The following PLA2G4E variants were observed in gnomAD, a reference collection of about 807,000 sequenced individuals.
PLA2G4E encodes the protein cytosolic phospholipase A2 epsilon.
In PLA2G4E, 84 loss-of-function variants were observed where a neutral mutation model predicts 109.1. That is an observed-to-expected ratio of 0.77 (90% confidence interval 0.65 to 0.92). PLA2G4E has a LOEUF of 0.92. Among genes scored for constraint, PLA2G4E ranks in the 40% least tolerant of loss-of-function variants. PLA2G4E has a pLI of 0.00. For missense variants in PLA2G4E, 1,057 were observed against 1,076.6 expected (o/e 0.98, Z 0.25); for synonymous variants, 469 against 436.1 (o/e 1.08, Z -0.94).
intron 1 of PLA2G4E, among the ~76,000 whole-genome samples, chr15:42,029,110 T>C (rs2141070025): frequency 6.6e-6 from 1 of 152,198 alleles, no homozygotes; most frequent in South Asian, 2.1e-4. Flanking sequence ...TCTTTTCTTT[T>C]TGAGACAGTC....
At chr15:42,014,998 G>T (rs1394839791) in intron 1 of PLA2G4E, among the ~76,000 whole-genome samples, 1 of 152,094 alleles carries the variant, frequency 6.6e-6, no homozygotes, top group Admixed American at 6.5e-5. Context: ...GGTGCTGATG[G>T]CTCCTCCTTC....
chr15:42,019,382 G>A (rs77460662), intron 1 of PLA2G4E, among the ~76,000 whole-genome samples: 1 of 152,238 alleles, frequency 6.6e-6, no homozygotes, highest in Non-Finnish European at 1.5e-5. Flanking sequence ...GGAAGGGTCT[G>A]ACAACCACAT....
chr15:41,989,646 C>A, intron 14 of PLA2G4E, 94 bp from the exon 15 acceptor site: 1 of 1,481,384 alleles, frequency 6.8e-7, no homozygotes, highest in Non-Finnish European at 9.0e-7. Flanking sequence ...CTGGCTCAGG[C>A]CTTGGAAAGC....
chr15:42,006,294 C>T, intron 3 of PLA2G4E, 173 bp from the exon 4 acceptor site: 1 of 720,660 alleles, frequency 1.4e-6, no homozygotes, highest in Non-Finnish European at 2.1e-6. Flanking sequence ...TTAAGGAAGG[C>T]AAGTGTCTAT....
chr15:41,990,723 T>TC (rs1322913532), intron 13 of PLA2G4E, among the ~76,000 whole-genome samples: 6 of 50,946 alleles, frequency 1.2e-4, no homozygotes, highest in Non-Finnish European at 2.5e-4. Context: ...CTCCCCTCCC[T>TC]CCCTCCCCTC....
intron 2 of PLA2G4E, among the ~76,000 whole-genome samples, chr15:42,012,168 C>A (rs567685463): frequency 6.6e-6 from 1 of 152,306 alleles, no homozygotes; most frequent in African/African-American, 2.4e-5. Flanking sequence ...TATCCATTCA[C>A]ACTCAGCCCT....
At chr15:42,004,521 G>A (rs2068454740) in intron 5 of PLA2G4E, among the ~76,000 whole-genome samples, 1 of 152,106 alleles carries the variant, frequency 6.6e-6, no homozygotes, top group South Asian at 2.1e-4. Flanking sequence ...GCTGCTTGCG[G>A]CCAGGGTTGG....
At chr15:42,042,026 G>A (rs1668595) in intron 1 of PLA2G4E, among the ~76,000 whole-genome samples, 29,137 of 152,106 alleles carry the variant, frequency 0.19, 2,960 homozygotes, top group South Asian at 0.33. Flanking sequence ...GACAAGGAGT[G>A]GAGAGGAATC....
chr15:42,005,193 G>A (rs1298774488), intron 4 of PLA2G4E, among the ~76,000 whole-genome samples: 1 of 152,204 alleles, frequency 6.6e-6, no homozygotes, highest in African/African-American at 2.4e-5. Context: ...GGAGGTCAGG[G>A]TGTGGAGCTG....
rs200179943 is a variant in PLA2G4E, at chr15:41,992,718, G to A, written c.1470+19C>T. On this transcript the variant is annotated intron_variant, in intron 13 of 19. Transcript: ENST00000399518. ...ATCAGCCAGGGCAGGGTGGGGCCCA[G>A]GAGAAGCCGAGCACCTACCTCGTCC... is the stretch of plus-strand genomic sequence containing the variant. 2 of 1,607,978 alleles carry A rather than the reference G, an allele frequency of 1.2e-6. No individual in the cohort carries two copies. The highest frequency in any genetic ancestry group is 1.7e-6 in the Non-Finnish European group (2 of 1,176,828).
rs76332662 is a variant in PLA2G4E at position 42,020,731 on chromosome 15, C to A, written c.184-6974G>T. The stretch of plus-strand genomic sequence containing the variant: ...CTCAGCAGGGCCACCCAAGCAGGAG[C>A]CCTGGCCCCAACTGGGATAAACCAC... On this transcript the variant is annotated intron_variant, in intron 1 of 19. Coordinates refer to ENST00000399518, the Ensembl canonical transcript of PLA2G4E. Among the ~76,000 whole-genome samples the A allele has an allele frequency of 4.6e-5, 7 of 152,306 alleles. No individual in the cohort carries two copies. The East Asian group carries it at 1.4e-3, about 29-fold the overall frequency.
At chr15:42,021,620 C>T (rs1298759225) in intron 1 of PLA2G4E, among the ~76,000 whole-genome samples, 1 of 152,186 alleles carries the variant, frequency 6.6e-6, no homozygotes, top group East Asian at 1.9e-4. Context: ...CCCCTGTCCT[C>T]CCTCCTGGGA....
intron 1 of PLA2G4E, among the ~76,000 whole-genome samples, chr15:42,031,635 C>T (rs1490771246): frequency 6.6e-6 from 1 of 152,178 alleles, no homozygotes. Context: ...ACAGGCAGCC[C>T]TCACGTTTTC....
chr15:41,999,867 G>C, intron 9 of PLA2G4E, 50 bp downstream of exon 9: 3 of 1,525,600 alleles, frequency 2.0e-6, no homozygotes, highest in South Asian at 1.2e-5. Flanking sequence ...CCTACCACAG[G>C]AGCTCCAGGG....
chr15:42,013,911 T>TA (rs1491523182), intron 1 of PLA2G4E, among the ~76,000 whole-genome samples, 154 bp from the exon 2 acceptor site: 10 of 82,082 alleles, frequency 1.2e-4, no homozygotes, highest in African/African-American at 3.1e-4. Flanking sequence ...TTTTTTTTTT[T>TA]ACAGAGTTTC....
rs147557224 is a variant in PLA2G4E at position 41,993,686 on chromosome 15, G to A, written c.1248-727C>T. Among the ~76,000 whole-genome samples, 21 of 152,086 alleles carry A rather than the reference G, an allele frequency of 1.4e-4. No individual in the cohort carries two copies. The East Asian group carries it at 1.5e-3, about 11-fold the overall frequency. ...CAGGAAAGGGCCCTTTTCATTCTGC[G>A]CCTGAGAATGACCTCCCTGGCAGTG... is the stretch of plus-strand genomic sequence containing the variant. On this transcript the variant is annotated intron_variant, in intron 12 of 19. Coordinates refer to ENST00000399518, the Ensembl canonical transcript of PLA2G4E.
chr15:41,992,740 G>T, exon 13 of PLA2G4E: 1 of 1,610,822 alleles, frequency 6.2e-7, no homozygotes, highest in Non-Finnish European at 8.5e-7. Context: ...CACCTACCTC[G>T]TCCCCCAGGC....
At chr15:42,005,969 G>C in intron 4 of PLA2G4E, 21 bp downstream of exon 4, 1 of 1,612,688 alleles carries the variant, frequency 6.2e-7, no homozygotes, top group Non-Finnish European at 8.5e-7. Context: ...CGGAGTCTGA[G>C]GGCCTGTACC....
intron 1 of PLA2G4E, among the ~76,000 whole-genome samples, chr15:42,040,449 T>C (rs1242016495): frequency 6.6e-6 from 1 of 152,258 alleles, no homozygotes; most frequent in Non-Finnish European, 1.5e-5. Context: ...CCAGATGTAC[T>C]GGTATTGTTT....
Sources: allele counts gnomAD v4.1 joint callset (sites outside exome capture counted in the v4.1 genomes callset), GRCh38; gene constraint gnomAD v4.1.1; transcripts MANE v1.5; gene names NCBI Gene and HGNC (gene_info 2026-07-23, HGNC 2026-07-21).